The following NALF1 variants were observed in gnomAD, a reference collection of about 807,000 sequenced individuals.
NALF1 encodes the protein family with sequence similarity 155 member A.
NALF1 carries 3 observed loss-of-function variants against 48.4 expected under a neutral mutation model. That is an observed-to-expected ratio of 0.06 (90% CI 0.03 to 0.16). NALF1 has a LOEUF of 0.16. NALF1 is among the 10% of genes least tolerant of loss of function. The pLI is 1.00. For missense variants in NALF1, 526 were observed against 571.5 expected (o/e 0.92, Z 0.81); for synonymous variants, 262 against 245.7 (o/e 1.07, Z -0.62).
chr13:107,856,009 A>C (rs1880433214), intron 1 of NALF1, among the ~76,000 whole-genome samples: 1 of 51,008 alleles, frequency 2.0e-5, no homozygotes, highest in Non-Finnish European at 5.1e-5. Context: ...ATGGATTCCA[A>C]TGACTTCACC....
At chr13:107,686,701 C>G (rs1316064599) in intron 1 of NALF1, among the ~76,000 whole-genome samples, 1 of 151,952 alleles carries the variant, frequency 6.6e-6, no homozygotes. Context: ...TGACAAAATG[C>G]TCAATATAAC....
chr13:107,828,640 C>G (rs1879605982), intron 1 of NALF1, among the ~76,000 whole-genome samples: 2 of 148,902 alleles, frequency 1.3e-5, no homozygotes, highest in South Asian at 4.2e-4. Context: ...CACACACACA[C>G]ACACACAAAT....
chr13:107,461,877 AAAAC>A lies in NALF1; in HGVS notation c.916-251126_916-251123del, dbSNP rs1363583360. Among the ~76,000 whole-genome samples the A allele has an allele frequency of 2.0e-5, 3 of 152,212 alleles. No homozygotes were observed. The East Asian group carries it at 5.8e-4, about 29-fold the overall frequency. ...CAACAGAATTCTAAATTGAACTAAG[AAAAC>A]AAACAGACACTGGCTCTTTTCCCAG... On this transcript the variant is annotated intron_variant, in intron 1 of 2. Coordinates refer to ENST00000375915, the MANE Select transcript of NALF1 (RefSeq NM_001080396.3).
intron 1 of NALF1, among the ~76,000 whole-genome samples, chr13:107,348,599 C>T (rs1376054814): frequency 6.6e-6 from 1 of 151,884 alleles, no homozygotes; most frequent in Non-Finnish European, 1.5e-5. Context: ...CCCTTACCTC[C>T]CACCCCCCGG....
chr13:107,484,255 C>A (rs1049659233), intron 1 of NALF1, among the ~76,000 whole-genome samples: 1 of 152,066 alleles, frequency 6.6e-6, no homozygotes, highest in East Asian at 1.9e-4. Context: ...ATTTTTCCTG[C>A]ATATTCTGTA....
At chr13:107,454,796 G>C (rs188652778) in intron 1 of NALF1, among the ~76,000 whole-genome samples, 4 of 152,250 alleles carry the variant, frequency 2.6e-5, no homozygotes, top group African/African-American at 7.2e-5. Flanking sequence ...TGGTCTCTAT[G>C]ACTCATCCTA....
intron 1 of NALF1, among the ~76,000 whole-genome samples, chr13:107,606,372 T>C (rs1879071012): frequency 6.8e-6 from 1 of 146,248 alleles, no homozygotes; most frequent in African/African-American, 2.4e-5. Flanking sequence ...TATTTATATA[T>C]ATATATATTT....
At chr13:107,612,909 T>G (rs1879274045) in intron 1 of NALF1, among the ~76,000 whole-genome samples, 1 of 151,916 alleles carries the variant, frequency 6.6e-6, no homozygotes, top group Admixed American at 6.6e-5. Context: ...CATACACCTC[T>G]ATTCACAGCC....
At chr13:107,377,614 A>C (rs1475001154) in intron 1 of NALF1, among the ~76,000 whole-genome samples, 1 of 152,172 alleles carries the variant, frequency 6.6e-6, no homozygotes, top group Non-Finnish European at 1.5e-5. Flanking sequence ...TCTATGAAAA[A>C]ATAAAAATAA....
intron 1 of NALF1, among the ~76,000 whole-genome samples, chr13:107,500,151 C>CA: frequency 6.6e-6 from 1 of 152,056 alleles, no homozygotes; most frequent in East Asian, 1.9e-4. Flanking sequence ...GGCAGGGATG[C>CA]AAAAAAACAC....
intron 1 of NALF1, among the ~76,000 whole-genome samples, chr13:107,856,411 G>T (rs898058890): frequency 6.6e-6 from 1 of 152,150 alleles, no homozygotes; most frequent in African/African-American, 2.4e-5. Flanking sequence ...AATGCTTGAT[G>T]TGTTTGTGAC....
chr13:107,651,131 G>T (rs1566430273), intron 1 of NALF1, among the ~76,000 whole-genome samples: 2 of 151,928 alleles, frequency 1.3e-5, no homozygotes, highest in Non-Finnish European at 2.9e-5. Flanking sequence ...TTTGTTTAAT[G>T]ATGAGATAAA....
At chr13:107,825,706 T>C (rs1415281628) in intron 1 of NALF1, among the ~76,000 whole-genome samples, 1 of 152,252 alleles carries the variant, frequency 6.6e-6, no homozygotes, top group East Asian at 1.9e-4. Context: ...AGAAACTTCA[T>C]AAACCTTTTA....
At chr13:107,325,853 CACATATATAT>C (rs1447858524) in intron 1 of NALF1, among the ~76,000 whole-genome samples, 6 of 49,990 alleles carry the variant, frequency 1.2e-4, no homozygotes, top group South Asian at 1.2e-3. Flanking sequence ...CACACACACA[CACATATATAT>C]ATATATATAT....
chr13:107,273,422 G>A (rs980033048), intron 1 of NALF1, among the ~76,000 whole-genome samples: 3 of 152,148 alleles, frequency 2.0e-5, no homozygotes, highest in African/African-American at 4.8e-5. Flanking sequence ...CTTGTCATTT[G>A]TTACAGGTGC....
intron 1 of NALF1, among the ~76,000 whole-genome samples, chr13:107,294,381 A>G (rs533963846): frequency 7.9e-5 from 12 of 152,228 alleles, no homozygotes; most frequent in Non-Finnish European, 1.8e-4. Context: ...CCACGGTCAC[A>G]TATTTACTAA....
intron 1 of NALF1, among the ~76,000 whole-genome samples, chr13:107,509,853 T>C (rs890499144): frequency 2.0e-4 from 31 of 152,294 alleles, no homozygotes; most frequent in African/African-American, 6.5e-4. Flanking sequence ...TCACCCAGGC[T>C]TGAGTGCAGT....
At chr13:107,370,809 G>A (rs566449684) in intron 1 of NALF1, among the ~76,000 whole-genome samples, 9 of 152,256 alleles carry the variant, frequency 5.9e-5, no homozygotes, top group Admixed American at 3.9e-4. Context: ...TAATCATGGC[G>A]AAAGGGGATG....
At chr13:107,605,781 C>T (rs1240347876) in intron 1 of NALF1, among the ~76,000 whole-genome samples, 2 of 152,210 alleles carry the variant, frequency 1.3e-5, no homozygotes, top group East Asian at 1.9e-4. Flanking sequence ...TGCTGGGAAA[C>T]ATCCTCTCTG....
Sources: gnomAD v4.1 joint callset for allele counts (sites outside exome capture counted in the v4.1 genomes callset) on GRCh38, gnomAD v4.1.1 for gene constraint, MANE v1.5 for transcripts, NCBI Gene and HGNC (gene_info 2026-07-23, HGNC 2026-07-21) for gene names.